Variants in YTHDC2 observed in about 807,000 individuals in gnomAD.
YTHDC2 encodes the protein 3'-5' RNA helicase YTHDC2.
YTHDC2 carries 45 observed loss-of-function variants against 174.9 expected under a neutral mutation model. That is an observed-to-expected ratio of 0.26 (90% CI 0.20 to 0.33). The LOEUF is 0.33. Among genes scored for constraint, YTHDC2 ranks in the 10% least tolerant of loss-of-function variants. The probability of loss-of-function intolerance (pLI) is 1.00; values close to 1 mark genes in which losing one functional copy is unlikely to be tolerated. For missense variants in YTHDC2, 1,650 were observed against 1,723.7 expected (o/e 0.96, Z 0.76); for synonymous variants, 657 against 574.5 (o/e 1.14, Z -2.05).
chr5:113,591,998 A>G lies in YTHDC2; in HGVS notation c.4032A>G (p.Gly1344=). The G allele has an allele frequency of 1.9e-6, 3 of 1,601,688 alleles. No homozygotes were observed. The highest frequency in any genetic ancestry group is 2.6e-6 in the Non-Finnish European group (3 of 1,173,588). The change falls in exon 28 of 30, where the codon GGA becomes GGG. Residue 1344 remains glycine, a splice_region_variant and synonymous_variant. Coordinates refer to ENST00000161863, the MANE Select transcript of YTHDC2 (RefSeq NM_022828.5). ...FSVQGSGHFQ[G]FSRMSSEIGR... ...CCTTCCTCCCATTTTACCTACAGGG[A>G]TTTTCTAGGATGTCTTCTGAGATTG...
At position 113,514,064 on chromosome 5, in the gene YTHDC2, C is replaced by G; in HGVS notation, c.169C>G (p.Arg57Gly). Reference protein sequence around the residue: ...IAVNIALERFRYGDQREMEFP... With the variant: ...IAVNIALERFGYGDQREMEFP... ...AGTCAATATCGCGCTGGAGCGCTTC[C>G]GATACGGGGACCAGAGAGGTGAGGT... Residue 57 changes from arginine (R) to glycine (G), a missense_variant, in exon 1 of 30, where the codon CGA becomes GGA. Coordinates refer to ENST00000161863, the MANE Select transcript of YTHDC2 (RefSeq NM_022828.5). The G allele has an allele frequency of 6.2e-7, 1 of 1,612,188 alleles. No homozygotes were observed.
At chr5:113,539,573 C>T (rs1444453836) in intron 8 of YTHDC2, among the ~76,000 whole-genome samples, 2 of 152,156 alleles carry the variant, frequency 1.3e-5, no homozygotes, top group Non-Finnish European at 2.9e-5. Flanking sequence ...GTTGAGTTTT[C>T]CAAATCTTGA....
chr5:113,589,463 A>T (rs1035151211), intron 26 of YTHDC2, among the ~76,000 whole-genome samples: 2 of 146,466 alleles, frequency 1.4e-5, no homozygotes, highest in African/African-American at 5.1e-5. Context: ...GGCGTGGTTT[A>T]TGTCTGTAAT....
rs1270732577 is a variant in YTHDC2 at position 113,567,696 on chromosome 5, C to T, written c.3091C>T (p.Pro1031Ser). 1 of 1,607,300 alleles carries T rather than the reference C, an allele frequency of 6.2e-7. No individual in the cohort carries two copies. The highest frequency in any genetic ancestry group is 8.5e-7 in the Non-Finnish European group (1 of 1,177,368). The change falls in exon 23 of 30, where the codon CCC (proline) becomes TCC (serine). Residue 1031 changes from proline to serine, a missense_variant. By Grantham distance (74) the Pro-to-Ser change is moderately conservative. Transcript: ENST00000161863. The stretch of plus-strand genomic sequence containing the variant: ...TCAAGCTGCAGCAATTAAGGCACTG[C>T]CCACAGATTGGCTTATTTATGATGA... Reference protein sequence around the residue: ...NGQAAAIKALPTDWLIYDEMT... With the variant: ...NGQAAAIKALSTDWLIYDEMT...
intron 3 of YTHDC2, among the ~76,000 whole-genome samples, chr5:113,525,683 C>T (rs1001266493): frequency 6.6e-6 from 1 of 152,054 alleles, no homozygotes; most frequent in African/African-American, 2.4e-5. Flanking sequence ...AGAGATTGGA[C>T]AGAGTCTTCA....
At chr5:113,517,515 C>G in intron 2 of YTHDC2, 1 of 455,338 alleles carries the variant, frequency 2.2e-6, no homozygotes, top group Non-Finnish European at 4.4e-6. Context: ...AAGGAGAATT[C>G]AAGAAGGAAG....
intron 2 of YTHDC2, among the ~76,000 whole-genome samples, chr5:113,522,545 G>C (rs1376750216): frequency 6.6e-6 from 1 of 152,058 alleles, no homozygotes; most frequent in Non-Finnish European, 1.5e-5. Flanking sequence ...AAAAACTCTT[G>C]TGAATTTCAC....
chr5:113,579,991 A>G, intron 24 of YTHDC2: 1 of 956,592 alleles, frequency 1.0e-6, no homozygotes, highest in Non-Finnish European at 1.2e-6. Context: ...GTTCTGAAGG[A>G]TCTTAAGTCT....
chr5:113,542,876 A>T (rs1208547744), intron 10 of YTHDC2, among the ~76,000 whole-genome samples: 1 of 152,200 alleles, frequency 6.6e-6, no homozygotes, highest in Non-Finnish European at 1.5e-5. Flanking sequence ...CAGCATTATA[A>T]TTGTAATTAT....
chr5:113,578,371 T>G (rs1264198893), intron 23 of YTHDC2, among the ~76,000 whole-genome samples: 1 of 113,416 alleles, frequency 8.8e-6, no homozygotes, highest in African/African-American at 3.5e-5. Context: ...TAGAAGGTTT[T>G]GTTTTGTTTT....
intron 12 of YTHDC2, 21 bp from the exon 13 acceptor site, chr5:113,553,157 CTTT>C (rs34053583): frequency 0.019 from 20,281 of 1,075,718 alleles, no homozygotes; most frequent in East Asian, 0.037. Context: ...TTGACTTTGT[CTTT>C]TTTTTTTTTT....
chr5:113,523,771 A>T (rs888407458), intron 2 of YTHDC2, among the ~76,000 whole-genome samples: 3 of 152,132 alleles, frequency 2.0e-5, no homozygotes, highest in Non-Finnish European at 4.4e-5. Flanking sequence ...CCCCAGTTTG[A>T]TATCACTCTT....
intron 22 of YTHDC2, 151 bp from the exon 23 acceptor site, chr5:113,567,503 C>G (rs562544387): frequency 1.5e-6 from 1 of 662,490 alleles, no homozygotes; most frequent in African/African-American, 2.0e-5. Context: ...TACTTTTGTA[C>G]GAACTACATG....
intron 4 of YTHDC2, among the ~76,000 whole-genome samples, chr5:113,532,435 A>G (rs1374845312): frequency 2.0e-5 from 3 of 152,082 alleles, no homozygotes; most frequent in Admixed American, 1.3e-4. Context: ...ATTATAGACT[A>G]TTTTTGTTTT....
In YTHDC2 at chr5:113,542,452, A is replaced by T; in HGVS notation, c.1444A>T (p.Ile482Phe). Reference protein sequence around the residue: ...CLSDIWLHKDIDAFAQVFHLI... With the variant: ...CLSDIWLHKDFDAFAQVFHLI... The stretch of plus-strand genomic sequence containing the variant: ...TTCTGATATATGGCTACATAAAGAT[A>T]TTGATGCCTTTGCTCAGGTCTTTCA... Residue 482 changes from isoleucine (I) to phenylalanine (F), a missense_variant, in exon 10 of 30, where the codon ATT (isoleucine) becomes TTT (phenylalanine). By Grantham distance (21) the Ile-to-Phe change is conservative. Transcript: ENST00000161863. 1 of 1,612,950 alleles carries T rather than the reference A, an allele frequency of 6.2e-7. No homozygotes were observed. The highest frequency in any genetic ancestry group is 1.1e-5 in the South Asian group (1 of 90,622).
At chr5:113,558,698 C>A (rs1776763997) in intron 17 of YTHDC2, among the ~76,000 whole-genome samples, 2 of 151,892 alleles carry the variant, frequency 1.3e-5, no homozygotes, top group Admixed American at 1.3e-4. Context: ...CTGAGGCGGG[C>A]AGATCACAAG....
intron 23 of YTHDC2, among the ~76,000 whole-genome samples, chr5:113,577,113 C>T (rs1007387556): frequency 6.6e-6 from 1 of 152,108 alleles, no homozygotes; most frequent in Non-Finnish European, 1.5e-5. Flanking sequence ...TGCATGATTG[C>T]ATGGTAAATT....
chr5:113,589,702 A>G (rs1778907392), intron 26 of YTHDC2, among the ~76,000 whole-genome samples: 1 of 152,024 alleles, frequency 6.6e-6, no homozygotes, highest in African/African-American at 2.4e-5. Context: ...ACTGCATTCC[A>G]GCCTGTATGA....
At chr5:113,518,262 C>T (rs560317751) in intron 2 of YTHDC2, among the ~76,000 whole-genome samples, 10 of 147,072 alleles carry the variant, frequency 6.8e-5, no homozygotes, top group Middle Eastern at 3.6e-3. Context: ...GGAATGATGA[C>T]GGCTCGCTGC....
Sources: gnomAD v4.1 joint callset for allele counts (sites outside exome capture counted in the v4.1 genomes callset) on GRCh38, gnomAD v4.1.1 for gene constraint, MANE v1.5 for transcripts, NCBI Gene and HGNC (gene_info 2026-07-23, HGNC 2026-07-21) for gene names.